EXPH5: variants seen among roughly 807,000 people sequenced by gnomAD.
The protein encoded by EXPH5 is exophilin 5.
Under a neutral mutation model 41.1 loss-of-function variants are expected in EXPH5, and 42 were observed. That is an observed-to-expected ratio of 1.02 (90% CI 0.80 to 1.32). EXPH5 has a LOEUF of 1.32. Ranked by LOEUF, EXPH5 falls within the 40% of genes most tolerant of loss-of-function variation. EXPH5 has a pLI of 0.00. For synonymous variants in EXPH5, 798 were observed against 833.5 expected, an observed-to-expected ratio of 0.96 and a Z score of 0.73; for missense variants, 2,298 against 2,314.5, an observed-to-expected ratio of 0.99 and a Z score of 0.15.
rs1049120136 is a variant in EXPH5, at chr11:108,538,557, A to G, written c.443+467T>C. 7.2e-5 allele frequency among the ~76,000 whole-genome samples: 11 copies of G among 152,198 alleles called. No homozygotes were observed. The South Asian group carries it at 1.5e-3, about 20-fold the overall frequency. ...TTACATTTCCTCCCTCTGTTTTAGA[A>G]TTCTATTTTTCTCTAGTCTCTTTGT... is the stretch of plus-strand genomic sequence containing the variant. On this transcript the variant is annotated intron_variant, in intron 3 of 5. Transcript: ENST00000265843.
chr11:108,561,242 T>C (rs2094010416), intron 1 of EXPH5, among the ~76,000 whole-genome samples: 2 of 152,220 alleles, frequency 1.3e-5, no homozygotes, highest in Admixed American at 6.5e-5. Context: ...TGTAGCCTAT[T>C]ATTTATTAAT....
In EXPH5 at chr11:108,511,784, T is replaced by C. The variant is rs747900247; in HGVS notation, c.3723A>G (p.Glu1241=). The change falls in exon 6 of 6, where the codon GAA becomes GAG. Residue 1241 remains glutamate, a synonymous_variant. Coordinates refer to ENST00000265843, the MANE Select transcript of EXPH5 (RefSeq NM_015065.3). ...CCACCTCCAGACATTTTACATTATC[T>C]TCATCACCAGAAACAGAAAACGTAC... The part of the protein sequence containing the change: ...TTSTFSVSGD[E]DNVKCLEVVS... 1 of 1,609,878 alleles carries C rather than the reference T, an allele frequency of 6.2e-7. No homozygotes were observed. The highest frequency in any genetic ancestry group is 1.1e-5 in the South Asian group (1 of 89,766).
chr11:108,535,460 T>G (rs1445700331), intron 3 of EXPH5, among the ~76,000 whole-genome samples: 2 of 152,130 alleles, frequency 1.3e-5, no homozygotes, highest in Non-Finnish European at 2.9e-5. Flanking sequence ...TGACTTCTCC[T>G]GCAATCTAGG....
rs748651952 is a variant in EXPH5 at position 108,509,948 on chromosome 11, A to G, written c.5559T>C (p.Ser1853=). Residue 1853 remains serine (S), a synonymous_variant, in exon 6 of 6, where the codon TCT becomes TCC. Transcript: ENST00000265843. ...CATTTCCATCACAGGAGGGGAGTTC[A>G]GAAAAAGATCTGAATCTTCGACTGT... ...NGYSRRFRSF[S]ELPSCDGNES... The G allele has an allele frequency of 5.0e-6, 8 of 1,612,462 alleles. No individual in the cohort carries two copies. The highest frequency in any genetic ancestry group is 6.8e-6 in the Non-Finnish European group (8 of 1,179,528).
chr11:108,513,296 G>A lies in EXPH5; in HGVS notation c.2211C>T (p.Asn737=). Reference sequence around the variant, plus strand: ...AGGGATTTTGAAAATCAGGTAAAGAGTTTGAGATCCCTGTCTGTGAAACAG... The same window carrying A: ...AGGGATTTTGAAAATCAGGTAAAGAATTTGAGATCCCTGTCTGTGAAACAG... ...PQPVSQTGIS[N]SLPDFQNPLS... is the part of the protein sequence containing the mutation. The change falls in exon 6 of 6, where the codon AAC becomes AAT. Residue 737 remains asparagine, a synonymous_variant. Transcript: ENST00000265843. The A allele has an allele frequency of 6.2e-7, 1 of 1,612,854 alleles. No individual in the cohort carries two copies. Among genetic ancestry groups the A allele is most frequent in the Non-Finnish European group, 8.5e-7 (1 of 1,179,562 alleles).
intron 1 of EXPH5, among the ~76,000 whole-genome samples, chr11:108,560,773 A>T (rs2094008079): frequency 1.3e-5 from 2 of 152,160 alleles, no homozygotes; most frequent in Non-Finnish European, 2.9e-5. Context: ...GCAAGTGTCT[A>T]CTCCAAATTA....
In EXPH5 at chr11:108,509,400, A is replaced by G. The variant is rs561494022; in HGVS notation, c.*137T>C. On this transcript the variant is annotated 3_prime_UTR_variant, in exon 6 of 6. Coordinates refer to ENST00000265843, the MANE Select transcript of EXPH5 (RefSeq NM_015065.3). The stretch of plus-strand genomic sequence containing the variant: ...GTGTCTATATAGGGTGTGGAGGAAA[A>G]AAAAGGAGATGTGGGACATTTCAGA... The G allele has an allele frequency of 1.7e-5, 13 of 762,408 alleles. No homozygotes were observed. In the African/African-American group the frequency reaches 1.7e-4, roughly 10 times the overall value. The allele number at this position is 762,408 out of a possible 1,614,324, so 47.2% of individuals were successfully genotyped here.
chr11:108,593,275 T>A, intron 1 of EXPH5, 143 bp downstream of exon 1: 1 of 719,594 alleles, frequency 1.4e-6, no homozygotes, highest in Non-Finnish European at 2.4e-6. Flanking sequence ...CGCGCAGTTT[T>A]CTCTTCCCGA....
In EXPH5 at chr11:108,558,040, T is replaced by C. The variant is rs529683519; in HGVS notation, c.120-16228A>G. On this transcript the variant is annotated intron_variant, in intron 1 of 5. Coordinates refer to ENST00000265843, the MANE Select transcript of EXPH5 (RefSeq NM_015065.3). ...TCACTGCAACCTCTGCCTCCCAGGC[T>C]CAAGCAATTCTCCTGCTTCGGCCTC... Among the ~76,000 whole-genome samples the C allele has an allele frequency of 1.5e-3, 232 of 152,262 alleles. 1 individual carries two copies. Among genetic ancestry groups the C allele is most frequent in the African/African-American group, 5.2e-3 (218 of 41,542 alleles).
At chr11:108,559,828 A>C (rs2094004377) in intron 1 of EXPH5, among the ~76,000 whole-genome samples, 1 of 152,196 alleles carries the variant, frequency 6.6e-6, no homozygotes, top group Non-Finnish European at 1.5e-5. Context: ...TCTAAGCAAA[A>C]AGGTGACAAG....
chr11:108,533,152 T>G (rs1275846346), intron 3 of EXPH5, among the ~76,000 whole-genome samples: 1 of 152,180 alleles, frequency 6.6e-6, no homozygotes, highest in East Asian at 1.9e-4. Flanking sequence ...CATCTCTACT[T>G]CTTTCTCTTC....
intron 1 of EXPH5, among the ~76,000 whole-genome samples, chr11:108,586,219 G>A (rs1260565812): frequency 6.6e-6 from 1 of 152,064 alleles, no homozygotes; most frequent in Non-Finnish European, 1.5e-5. Context: ...CGAAGTGTTG[G>A]GATTACAGGT....
chr11:108,550,189 C>T (rs2093957005), intron 1 of EXPH5, among the ~76,000 whole-genome samples: 1 of 152,188 alleles, frequency 6.6e-6, no homozygotes, highest in Non-Finnish European at 1.5e-5. Context: ...TGAGTCCAGG[C>T]CTCAATGGAT....
chr11:108,510,965 C>G lies in EXPH5; in HGVS notation c.4542G>C (p.Leu1514Phe). The part of the protein sequence containing the change: ...ESQVFALTPA[L>F]HKLQLGEETQ... Reference sequence around the variant, plus strand: ...TCTCCTCACCAAGCTGTAGTTTATGCAATGCTGGAGTAAGGGCAAAGACTT... The same window carrying G: ...TCTCCTCACCAAGCTGTAGTTTATGGAATGCTGGAGTAAGGGCAAAGACTT... The change falls in exon 6 of 6, where the codon TTG becomes TTC. Residue 1514 changes from leucine (L) to phenylalanine (F), a missense_variant. Coordinates refer to ENST00000265843, the MANE Select transcript of EXPH5 (RefSeq NM_015065.3). 6.2e-7 allele frequency: 1 copy of G among 1,613,932 alleles called. No individual in the cohort carries two copies.
At chr11:108,537,031 A>G (rs565866891) in intron 3 of EXPH5, among the ~76,000 whole-genome samples, 2 of 152,284 alleles carry the variant, frequency 1.3e-5, no homozygotes, top group East Asian at 3.9e-4. Context: ...GTAGGTAAGG[A>G]GGAGGTCCTG....
upstream of EXPH5, among the ~76,000 whole-genome samples, chr11:108,596,313 G>T (rs574608800): frequency 3.4e-4 from 51 of 152,168 alleles, no homozygotes; most frequent in African/African-American, 1.2e-3. Context: ...AGGGAAAGAG[G>T]ACCCAACCAA....
chr11:108,603,929 G>A, the EXPH5 span, among the ~76,000 whole-genome samples: 3 of 152,196 alleles, frequency 2.0e-5, no homozygotes, highest in South Asian at 2.1e-4. Flanking sequence ...AGATCTTTAG[G>A]AAAAGATGGC....
At chr11:108,570,049 T>C (rs920728372) in intron 1 of EXPH5, among the ~76,000 whole-genome samples, 1 of 152,164 alleles carries the variant, frequency 6.6e-6, no homozygotes, top group Admixed American at 6.5e-5. Flanking sequence ...ACTGTCTACC[T>C]TCCAGAAAGG....
At chr11:108,536,011 A>G (rs1347744814) in intron 3 of EXPH5, among the ~76,000 whole-genome samples, 1 of 152,206 alleles carries the variant, frequency 6.6e-6, no homozygotes, top group Non-Finnish European at 1.5e-5. Context: ...CATGCACTAG[A>G]TACCCTAGAA....
Sources: allele counts gnomAD v4.1 joint callset (sites outside exome capture counted in the v4.1 genomes callset), GRCh38; gene constraint gnomAD v4.1.1; transcripts MANE v1.5; gene names NCBI Gene and HGNC (gene_info 2026-07-23, HGNC 2026-07-21).